The following ST6GALNAC3 variants were observed in gnomAD, a reference collection of about 807,000 sequenced individuals.
ST6GALNAC3 encodes the protein ST6 N-acetylgalactosaminide alpha-2,6-sialyltransferase 3, also known as alpha-N-acetylgalactosaminide alpha-2,6-sialyltransferase 3.
Under a neutral mutation model 32.7 loss-of-function variants are expected in ST6GALNAC3, and 25 were observed. The ratio of observed to expected loss-of-function variants is 0.76; its 90% CI spans 0.56 to 1.07. The LOEUF is 1.07. Ranked by LOEUF, ST6GALNAC3 falls within the 50% of genes least tolerant of loss-of-function variation. The pLI is 0.00. For synonymous variants in ST6GALNAC3, 129 were observed against 133.1 expected, an observed-to-expected ratio of 0.97 and a Z score of 0.21; for missense variants, 355 against 382.4, an observed-to-expected ratio of 0.93 and a Z score of 0.60.
chr1:76,509,630 ATACAG>A lies in ST6GALNAC3; in HGVS notation c.623+97215_623+97219del, dbSNP rs1661709582. 6.6e-6 allele frequency among the ~76,000 whole-genome samples: 1 copy of A among 152,226 alleles called. No individual in the cohort carries two copies. Among genetic ancestry groups the A allele is most frequent in the African/African-American group, 2.4e-5 (1 of 41,466 alleles). ...GTTTAAAACAACACAAAGTTATTTT[ATACAG>A]TTCGAAGTTAGAAGTCTAAAATGGG... is the stretch of plus-strand genomic sequence containing the variant. On this transcript the variant is annotated intron_variant, in intron 3 of 4. Transcript: ENST00000328299. This position sits in a 1 kb window ranked among gnomAD's most constrained non-coding sequence, Gnocchi z 5.5.
chr1:76,531,038 G>A (rs556385870), intron 3 of ST6GALNAC3, among the ~76,000 whole-genome samples: 1 of 152,180 alleles, frequency 6.6e-6, no homozygotes, highest in Non-Finnish European at 1.5e-5. Flanking sequence ...AAGGCCAGTT[G>A]TTTAGATAGA....
At chr1:76,430,592 TCTAA>T (rs1426292634) in intron 3 of ST6GALNAC3, among the ~76,000 whole-genome samples, 1 of 152,184 alleles carries the variant, frequency 6.6e-6, no homozygotes, top group Non-Finnish European at 1.5e-5. Flanking sequence ...TGCAGCTCTC[TCTAA>T]CAGCCCCATT....
At chr1:76,415,707 T>C (rs761010312) in intron 3 of ST6GALNAC3, among the ~76,000 whole-genome samples, 20 of 152,114 alleles carry the variant, frequency 1.3e-4, no homozygotes, top group Admixed American at 2.0e-4. Context: ...GAGGCAGACC[T>C]GGATTCAGAC....
At chr1:76,434,128 C>G (rs561394953) in intron 3 of ST6GALNAC3, among the ~76,000 whole-genome samples, 1 of 152,280 alleles carries the variant, frequency 6.6e-6, no homozygotes, top group African/African-American at 2.4e-5. Context: ...GAATAAAATG[C>G]AGCCCCCCAG....
intron 1 of ST6GALNAC3, among the ~76,000 whole-genome samples, chr1:76,089,732 A>G (rs1647017609): frequency 6.6e-6 from 1 of 152,320 alleles, no homozygotes; most frequent in South Asian, 2.1e-4. Flanking sequence ...TTCGGTTGAC[A>G]GTATTGCCCT....
intron 3 of ST6GALNAC3, among the ~76,000 whole-genome samples, chr1:76,456,981 AGCT>A: frequency 6.6e-6 from 1 of 152,090 alleles, no homozygotes; most frequent in Non-Finnish European, 1.5e-5. Flanking sequence ...AATCTCCTTA[AGCT>A]GATAAGCAAC....
intron 3 of ST6GALNAC3, among the ~76,000 whole-genome samples, chr1:76,590,284 A>G (rs1183927247): frequency 3.3e-5 from 5 of 152,214 alleles, no homozygotes; most frequent in African/African-American, 9.6e-5. Context: ...GAATGCATTC[A>G]TTCTGTAAGA....
At position 76,365,118 on chromosome 1, in the gene ST6GALNAC3, A is replaced by G. The variant is rs150908227; in HGVS notation, c.214-46890A>G. Among the ~76,000 whole-genome samples the G allele has an allele frequency of 4.0e-3, 608 of 152,370 alleles. 2 individuals carry two copies. The highest frequency in any genetic ancestry group is 0.014 in the African/African-American group (587 of 41,598). Reference sequence around the variant, plus strand: ...ATTGGATAAAGAAAATGTGGTACATATATACCATGGAATACTACGCAGCCA... The same window carrying G: ...ATTGGATAAAGAAAATGTGGTACATGTATACCATGGAATACTACGCAGCCA... On this transcript the variant is annotated intron_variant, in intron 2 of 4. Transcript: ENST00000328299.
In ST6GALNAC3 at chr1:76,526,518, T is replaced by C. The variant is rs143489870; in HGVS notation, c.624-100934T>C. 3.3e-5 allele frequency among the ~76,000 whole-genome samples: 5 copies of C among 152,198 alleles called. No homozygotes were observed. In the East Asian group the frequency reaches 5.8e-4, roughly 18 times the overall value. On this transcript the variant is annotated intron_variant, in intron 3 of 4. Coordinates refer to ENST00000328299, the MANE Select transcript of ST6GALNAC3 (RefSeq NM_152996.4). Reference sequence around the variant, plus strand: ...TGTCATTACTCTGGAATCCTTTAAGTTGATTTTTTATCTTGTTGACTCAGT... The same window carrying C: ...TGTCATTACTCTGGAATCCTTTAAGCTGATTTTTTATCTTGTTGACTCAGT...
intron 3 of ST6GALNAC3, among the ~76,000 whole-genome samples, chr1:76,606,884 G>A (rs879131666): frequency 1.4e-5 from 2 of 139,216 alleles, no homozygotes; most frequent in African/African-American, 5.6e-5. Context: ...CATGCCGACC[G>A]ATTCTCCAAC....
At chr1:76,571,608 T>C (rs1665863714) in intron 3 of ST6GALNAC3, among the ~76,000 whole-genome samples, 1 of 152,144 alleles carries the variant, frequency 6.6e-6, no homozygotes, top group Non-Finnish European at 1.5e-5. Flanking sequence ...ATGCAAATAC[T>C]TTTTCCTGGA....
chr1:76,346,202 G>C (rs7518384), intron 2 of ST6GALNAC3, among the ~76,000 whole-genome samples: 149,107 of 152,288 alleles, frequency 0.98, 73,080 homozygotes, highest in East Asian at 1. Flanking sequence ...CGGCACTTAC[G>C]CCTCGAAGGT....
intron 1 of ST6GALNAC3, among the ~76,000 whole-genome samples, chr1:76,296,320 T>A (rs1479236013): frequency 6.6e-6 from 1 of 152,096 alleles, no homozygotes; most frequent in Non-Finnish European, 1.5e-5. Context: ...ATGGTTTGAG[T>A]ACTGTAGCTC....
chr1:76,522,100 A>G (rs1177781678), intron 3 of ST6GALNAC3, among the ~76,000 whole-genome samples: 1 of 151,880 alleles, frequency 6.6e-6, no homozygotes, highest in Non-Finnish European at 1.5e-5. Flanking sequence ...AAAAAAAAAA[A>G]AAACACCATT....
intron 1 of ST6GALNAC3, among the ~76,000 whole-genome samples, chr1:76,116,795 G>C (rs1233723309): frequency 6.6e-6 from 1 of 152,178 alleles, no homozygotes; most frequent in African/African-American, 2.4e-5. Context: ...AGCCGGGCCT[G>C]GTGGCATGTG....
At chr1:76,378,667 C>G (rs965910992) in intron 2 of ST6GALNAC3, among the ~76,000 whole-genome samples, 3 of 101,990 alleles carry the variant, frequency 2.9e-5, no homozygotes, top group African/African-American at 7.4e-5. Flanking sequence ...CTTCCCCCCC[C>G]CAAAAAAAAA....
At chr1:76,236,184 G>A (rs953310671) in intron 1 of ST6GALNAC3, among the ~76,000 whole-genome samples, 3 of 152,100 alleles carry the variant, frequency 2.0e-5, no homozygotes, top group Admixed American at 1.3e-4. Context: ...CTGACCTCAG[G>A]TGATCCGCCC....
chr1:76,139,065 A>G (rs1035744348), intron 1 of ST6GALNAC3, among the ~76,000 whole-genome samples: 8 of 152,020 alleles, frequency 5.3e-5, no homozygotes, highest in Non-Finnish European at 1.2e-4. Flanking sequence ...GTGGTGGCAG[A>G]CGCCTGTAGT....
chr1:76,471,867 CTT>C (rs35150035), intron 3 of ST6GALNAC3, among the ~76,000 whole-genome samples: 3 of 143,868 alleles, frequency 2.1e-5, no homozygotes. Flanking sequence ...TTTGGGTCCC[CTT>C]TTTTTTTTTT....
Sources: gnomAD v4.1 joint callset for allele counts (sites outside exome capture counted in the v4.1 genomes callset) on GRCh38, gnomAD v4.1.1 for gene constraint, Gnocchi (gnomAD v3.1) non-coding constraint, MANE v1.5 for transcripts, NCBI Gene and HGNC (gene_info 2026-07-23, HGNC 2026-07-21) for gene names.